Variants in GPHN observed in about 807,000 individuals in gnomAD.
The protein encoded by GPHN is gephyrin.
Under a neutral mutation model 95.5 loss-of-function variants are expected in GPHN, and 17 were observed. The ratio of observed to expected loss-of-function variants is 0.18; its 90% CI spans 0.12 to 0.27. The LOEUF is 0.27. GPHN is among the 10% of genes least tolerant of loss of function. The pLI is 1.00. For missense variants in GPHN, 660 were observed against 978.1 expected, an observed-to-expected ratio of 0.67 and a Z score of 4.34; for synonymous variants, 320 against 322.5, an observed-to-expected ratio of 0.99 and a Z score of 0.08.
chr14:67,572,241 C>T, the GPHN span: 7 of 1,607,382 alleles, frequency 4.4e-6, no homozygotes, highest in African/African-American at 1.3e-5. Flanking sequence ...TGCAGCGCAC[C>T]TCATCCTACT....
chr14:66,918,438 G>C (rs1170012104), intron 6 of GPHN, among the ~76,000 whole-genome samples: 1 of 152,190 alleles, frequency 6.6e-6, no homozygotes, highest in Non-Finnish European at 1.5e-5. Context: ...AGAAGGCCAA[G>C]AAAGGGAGTA....
intron 1 of GPHN, among the ~76,000 whole-genome samples, chr14:66,576,341 A>G (rs2060898557): frequency 1.3e-5 from 2 of 152,070 alleles, no homozygotes; most frequent in South Asian, 2.1e-4. Context: ...CTCTTTAAAA[A>G]TAAACCTGGA....
chr14:67,322,138 G>T, the GPHN span, among the ~76,000 whole-genome samples: 1 of 152,046 alleles, frequency 6.6e-6, no homozygotes, highest in East Asian at 1.9e-4. Context: ...TTGAGTTCAG[G>T]AGTTCCAGAC....
chr14:66,775,097 G>T (rs750083868), intron 2 of GPHN, among the ~76,000 whole-genome samples: 1 of 151,756 alleles, frequency 6.6e-6, no homozygotes, highest in South Asian at 2.1e-4. Context: ...ATGTCCCGAG[G>T]GTTTGGTGTA....
the GPHN span, among the ~76,000 whole-genome samples, chr14:67,192,111 C>G: frequency 6.6e-6 from 1 of 152,214 alleles, no homozygotes; most frequent in African/African-American, 2.4e-5. Context: ...TGCAGCGCAG[C>G]AAAAGCCCTT....
intron 9 of GPHN, among the ~76,000 whole-genome samples, chr14:66,980,838 G>A (rs1044807634): frequency 7.2e-5 from 11 of 152,180 alleles, no homozygotes; most frequent in African/African-American, 2.7e-4. Flanking sequence ...ATCACCTGAG[G>A]TCGGGAGTTT....
At chr14:67,708,711 T>C in the GPHN span, among the ~76,000 whole-genome samples, 1 of 152,160 alleles carries the variant, frequency 6.6e-6, no homozygotes, top group Non-Finnish European at 1.5e-5. Flanking sequence ...CCATTTCATA[T>C]TTGACTATGC....
At chr14:67,426,879 G>A in the GPHN span, among the ~76,000 whole-genome samples, 164 of 152,242 alleles carry the variant, frequency 1.1e-3, 2 homozygotes, top group Admixed American at 1.6e-3. Context: ...CTGGCCTAAT[G>A]TCCAGTTTTA....
chr14:66,621,841 A>T (rs561329613), intron 1 of GPHN, among the ~76,000 whole-genome samples: 1 of 152,272 alleles, frequency 6.6e-6, no homozygotes, highest in South Asian at 2.1e-4. Context: ...GTGTCTCTGC[A>T]GGATACAGCC....
the GPHN span, among the ~76,000 whole-genome samples, chr14:67,506,569 T>C: frequency 1.3e-5 from 2 of 152,186 alleles, no homozygotes; most frequent in African/African-American, 4.8e-5. Context: ...GAGGAAAATG[T>C]AAGACAGGTA....
chr14:66,570,927 C>T (rs574447699), intron 1 of GPHN, among the ~76,000 whole-genome samples: 1 of 152,066 alleles, frequency 6.6e-6, no homozygotes, highest in Non-Finnish European at 1.5e-5. Flanking sequence ...TGAGAAATGT[C>T]TTTTTCAGGT....
At chr14:67,265,538 G>A in the GPHN span, among the ~76,000 whole-genome samples, 4 of 152,108 alleles carry the variant, frequency 2.6e-5, no homozygotes, top group Non-Finnish European at 5.9e-5. Flanking sequence ...CTGGGCAACA[G>A]AGCGAGACCC....
chr14:67,071,674 ATAAC>A (rs1198398151), intron 11 of GPHN, among the ~76,000 whole-genome samples: 1 of 152,056 alleles, frequency 6.6e-6, no homozygotes. Flanking sequence ...AATCAGGCCT[ATAAC>A]CTTGGCCTAA....
At chr14:67,009,081 T>C (rs1430606815) in intron 9 of GPHN, among the ~76,000 whole-genome samples, 1 of 152,208 alleles carries the variant, frequency 6.6e-6, no homozygotes, top group African/African-American at 2.4e-5. Flanking sequence ...CTACACTTTA[T>C]TTTTTCTTGT....
the GPHN span, among the ~76,000 whole-genome samples, chr14:67,653,837 T>G: frequency 6.6e-6 from 1 of 152,236 alleles, no homozygotes; most frequent in Non-Finnish European, 1.5e-5. Flanking sequence ...ACTTAAGATT[T>G]GAATTTCATC....
intron 9 of GPHN, among the ~76,000 whole-genome samples, chr14:67,018,217 C>G (rs1308907258): frequency 2.6e-5 from 4 of 152,064 alleles, no homozygotes; most frequent in Admixed American, 6.5e-5. Context: ...GTTGGTTGCA[C>G]AGCCATATAA....
the GPHN span, among the ~76,000 whole-genome samples, chr14:67,289,718 A>G: frequency 3.3e-5 from 5 of 151,496 alleles, no homozygotes; most frequent in African/African-American, 1.2e-4. Context: ...TGCAGACCTT[A>G]TAAGAAGAGA....
chr14:66,661,339 G>T (rs960507079), intron 1 of GPHN, among the ~76,000 whole-genome samples: 1 of 152,106 alleles, frequency 6.6e-6, no homozygotes, highest in African/African-American at 2.4e-5. Flanking sequence ...GTGGGCTTAG[G>T]CGAGTCCAAA....
the GPHN span, among the ~76,000 whole-genome samples, chr14:67,449,497 G>A: frequency 6.6e-6 from 1 of 152,112 alleles, no homozygotes; most frequent in Admixed American, 6.5e-5. Flanking sequence ...AAGGAGGAGG[G>A]AGTCTCCTGA....
Sources: allele counts gnomAD v4.1 joint callset (sites outside exome capture counted in the v4.1 genomes callset), GRCh38; gene constraint gnomAD v4.1.1; transcripts MANE v1.5; gene names NCBI Gene and HGNC (gene_info 2026-07-23, HGNC 2026-07-21).